WDHD1: variants seen among roughly 807,000 people sequenced by gnomAD.
WDHD1 encodes the protein WD repeat and HMG-box DNA-binding protein 1.
In WDHD1, 111 loss-of-function variants were observed where a neutral mutation model predicts 135.4. The ratio of observed to expected loss-of-function variants is 0.82; its 90% CI spans 0.70 to 0.96. WDHD1 has a LOEUF of 0.96. Among genes scored for constraint, WDHD1 ranks in the 40% least tolerant of loss-of-function variants. The pLI is 0.00. For synonymous variants in WDHD1, 434 were observed against 439.0 expected (o/e 0.99, Z 0.14); for missense variants, 1,351 against 1,336.3 (o/e 1.01, Z -0.17).
At chr14:54,983,116 G>C (rs2041644440) in intron 15 of WDHD1, among the ~76,000 whole-genome samples, 1 of 152,004 alleles carries the variant, frequency 6.6e-6, no homozygotes, top group South Asian at 2.1e-4. Flanking sequence ...GTGATCTGAG[G>C]TCACATCACT....
At chr14:55,022,818 CTCTT>C (rs1449417399) in intron 2 of WDHD1, among the ~76,000 whole-genome samples, 43 of 150,494 alleles carry the variant, frequency 2.9e-4, no homozygotes, top group Non-Finnish European at 5.3e-4. Context: ...TTGACCCTTT[CTCTT>C]TCTTTTTTTT....
chr14:54,960,919 C>T (rs2041241864), intron 21 of WDHD1, among the ~76,000 whole-genome samples: 1 of 152,210 alleles, frequency 6.6e-6, no homozygotes, highest in African/African-American at 2.4e-5. Context: ...CCTGTCCCAG[C>T]CTCCCAAATA....
chr14:55,008,696 T>G lies in WDHD1; in HGVS notation c.365A>C (p.Asp122Ala). 6.2e-7 allele frequency: 1 copy of G among 1,611,882 alleles called. No homozygotes were observed. The highest frequency in any genetic ancestry group is 8.5e-7 in the Non-Finnish European group (1 of 1,179,460). ...TTTCTGTTGGCTGCTATCCATCACA[T>G]CCACAATTTTGACTAGAAAATCACT... Reference protein sequence around the residue: ...GSSDFLVKIVDVMDSSQQKTF... With the variant: ...GSSDFLVKIVAVMDSSQQKTF... Residue 122 changes from aspartate (D) to alanine (A), a missense_variant, in exon 5 of 26, where the codon GAT becomes GCT. Around this residue, in one of 2 missense-constraint regions of WDHD1, gnomAD observed 1,330 missense variants for 1,296.1 expected, o/e 1.03. Coordinates refer to ENST00000360586, the MANE Select transcript of WDHD1 (RefSeq NM_007086.4).
In WDHD1 at chr14:54,964,124, G is replaced by A. The variant is rs1022701091; in HGVS notation, c.2311-952C>T. Among the ~76,000 whole-genome samples, 4 of 151,802 alleles carry A rather than the reference G, an allele frequency of 2.6e-5. No individual in the cohort carries two copies. In the East Asian group the frequency reaches 5.8e-4, roughly 22 times the overall value. On this transcript the variant is annotated intron_variant, in intron 18 of 25. Transcript: ENST00000360586. ...CCCTTTCTCTAAAAAATACAAAAAA[G>A]AAAAACAACAAACTGAGAAAAGTTG...
intron 23 of WDHD1, 132 bp downstream of exon 23, chr14:54,956,902 T>C (rs1595064550): frequency 1.7e-6 from 2 of 1,169,030 alleles, no homozygotes; most frequent in Admixed American, 2.7e-5. Flanking sequence ...AAAAACAGAA[T>C]TGAACCCACT....
chr14:55,003,120 A>G (rs1268383638), intron 7 of WDHD1, among the ~76,000 whole-genome samples: 1 of 152,154 alleles, frequency 6.6e-6, no homozygotes, highest in African/African-American at 2.4e-5. Context: ...ATTTTAAAAA[A>G]TTTTTAAATT....
intron 7 of WDHD1, among the ~76,000 whole-genome samples, chr14:55,002,708 G>A (rs1427529459): frequency 1.3e-5 from 2 of 152,024 alleles, no homozygotes; most frequent in Non-Finnish European, 2.9e-5. Context: ...GGGGTCAAAG[G>A]ATCCTCCTGC....
In WDHD1 at chr14:55,007,346, T is replaced by C. The variant is rs758586031; in HGVS notation, c.534A>G (p.Gln178=). 6.2e-7 allele frequency: 1 copy of C among 1,604,798 alleles called. No homozygotes were observed. The highest frequency in any genetic ancestry group is 8.5e-7 in the Non-Finnish European group (1 of 1,177,260). Residue 178 remains glutamine (Q), a synonymous_variant, in exon 7 of 26, where the codon CAA becomes CAG. Transcript: ENST00000360586. ...QTCAISWPLL[Q]KCNDVINAKS... is the part of the protein sequence containing the mutation. ...TTGCATTTATCACATCGTTGCATTTTTGTAGCAGTGGCCAACTAATAGCAC... is the reference window on the plus strand; with the variant it reads ...TTGCATTTATCACATCGTTGCATTTCTGTAGCAGTGGCCAACTAATAGCAC...
intron 18 of WDHD1, among the ~76,000 whole-genome samples, chr14:54,964,806 T>C (rs1249018404): frequency 6.6e-6 from 1 of 152,196 alleles, no homozygotes; most frequent in Non-Finnish European, 1.5e-5. Context: ...ATGAGTCCCC[T>C]GGTATTTTTG....
At chr14:54,994,513 A>T (rs2041845696) in intron 11 of WDHD1, among the ~76,000 whole-genome samples, 1 of 151,858 alleles carries the variant, frequency 6.6e-6, no homozygotes, top group Non-Finnish European at 1.5e-5. Flanking sequence ...TACTCAATAT[A>T]AAAAATTTCC....
At chr14:54,994,208 A>G (rs191526956) in intron 11 of WDHD1, among the ~76,000 whole-genome samples, 40 of 152,314 alleles carry the variant, frequency 2.6e-4, no homozygotes, top group Admixed American at 6.5e-5. Flanking sequence ...AATTTCTTTA[A>G]TAGATACAAT....
At chr14:55,022,307 CT>C (rs557740342) in intron 2 of WDHD1, among the ~76,000 whole-genome samples, 54 of 152,238 alleles carry the variant, frequency 3.5e-4, no homozygotes, top group African/African-American at 1.2e-3. Flanking sequence ...GGGTTAGTAG[CT>C]TTATAAATAA....
intron 25 of WDHD1, among the ~76,000 whole-genome samples, chr14:54,942,996 A>G (rs556092512): frequency 6.6e-6 from 1 of 152,362 alleles, no homozygotes; most frequent in East Asian, 1.9e-4. Flanking sequence ...AAATGACGCT[A>G]AAGGTGTTTA....
In WDHD1 at chr14:54,956,054, C is replaced by T. The variant is rs550906146; in HGVS notation, c.2917-360G>A. 5.3e-5 allele frequency among the ~76,000 whole-genome samples: 8 copies of T among 151,932 alleles called. No individual in the cohort carries two copies. The South Asian group carries it at 6.2e-4, about 12-fold the overall frequency. ...CTGGGATTACAGGCACCTGCCACCG[C>T]GGCTGGCCTAAATTCCATGTTTTCT... On this transcript the variant is annotated intron_variant, in intron 23 of 25. Transcript: ENST00000360586.
At chr14:55,008,531 T>A in intron 5 of WDHD1, 77 bp downstream of exon 5, 3 of 1,479,136 alleles carry the variant, frequency 2.0e-6, no homozygotes, top group Non-Finnish European at 2.7e-6. Flanking sequence ...AGCAGAAAAT[T>A]TTTTAGAGAG....
chr14:55,023,982 G>A (rs966454422), intron 2 of WDHD1, among the ~76,000 whole-genome samples: 11 of 151,892 alleles, frequency 7.2e-5, no homozygotes, highest in Admixed American at 2.6e-4. Context: ...GATAAAATAC[G>A]CTAGTATCTA....
chr14:55,002,472 G>A (rs986356267), intron 7 of WDHD1, among the ~76,000 whole-genome samples: 1 of 151,904 alleles, frequency 6.6e-6, no homozygotes, highest in African/African-American at 2.4e-5. Context: ...ATGAAACTCA[G>A]AACATTACTT....
intron 14 of WDHD1, 135 bp from the exon 15 acceptor site, chr14:54,984,995 C>A (rs1595093360): frequency 2.8e-6 from 3 of 1,063,838 alleles, no homozygotes; most frequent in South Asian, 3.2e-5. Context: ...ATAACCCATC[C>A]AACTGAGGCA....
chr14:54,968,452 T>C (rs181534075), intron 16 of WDHD1, among the ~76,000 whole-genome samples: 1 of 142,364 alleles, frequency 7.0e-6, no homozygotes, highest in East Asian at 1.9e-4. Context: ...CTAGGGAAAC[T>C]AGATAAACGA....
Sources: gnomAD v4.1 joint callset for allele counts (sites outside exome capture counted in the v4.1 genomes callset) on GRCh38, gnomAD v4.1.1 for gene constraint, gnomAD v4.1.1 regional missense constraint, MANE v1.5 for transcripts, NCBI Gene and HGNC (gene_info 2026-07-23, HGNC 2026-07-21) for gene names.